ARHGEF40: variants seen among roughly 807,000 people sequenced by gnomAD.
ARHGEF40 encodes Rho guanine nucleotide exchange factor (GEF) 40.
A neutral mutation model predicts 165.9 loss-of-function variants in ARHGEF40; 98 were observed. The observed-to-expected ratio is 0.59, with a 90% CI of 0.50 to 0.70. The LOEUF is 0.70. Among genes scored for constraint, ARHGEF40 ranks in the 30% least tolerant of loss-of-function variants. The probability of loss-of-function intolerance (pLI) is 0.00; values close to 1 mark genes in which losing one functional copy is unlikely to be tolerated. For synonymous variants in ARHGEF40, 792 were observed against 814.3 expected (o/e 0.97, Z 0.47); for missense variants, 1,815 against 1,968.0 (o/e 0.92, Z 1.47).
In ARHGEF40 at chr14:21,074,514, TC is replaced by T; in HGVS notation, c.788del (p.Pro263GlnfsTer88). ...GGGGAGCCCAACAGATGCTGAAGGCTCCCCAGGCCTCTCCAGAGTCCGGACG... is the reference window on the plus strand; with the variant it reads ...GGGGAGCCCAACAGATGCTGAAGGCTCCCAGGCCTCTCCAGAGTCCGGACG... The part of the protein sequence containing the change: ...VRGSPTDAEG[S>X]PGLSRVRTVP... On this transcript the variant is annotated frameshift_variant, in exon 3 of 24. Coordinates refer to ENST00000298694, the MANE Select transcript of ARHGEF40 (RefSeq NM_018071.5). LOFTEE classifies it high-confidence loss of function. This position sits in a 1 kb window ranked among gnomAD's most constrained non-coding sequence, Gnocchi z 4.8. The T allele has an allele frequency of 6.5e-7, 1 of 1,548,986 alleles. No individual in the cohort carries two copies.
intron 5 of ARHGEF40, 44 bp from the exon 6 acceptor site, chr14:21,076,316 A>G (rs1345957243): frequency 1.3e-6 from 2 of 1,543,754 alleles, no homozygotes; most frequent in Non-Finnish European, 8.9e-7. Flanking sequence ...CTATCCCCCA[A>G]AACACACACA....
At position 21,074,449 on chromosome 14, in the gene ARHGEF40, G is replaced by T. The variant is rs1427532807; in HGVS notation, c.719G>T (p.Gly240Val). 1 of 1,598,732 alleles carries T rather than the reference G, an allele frequency of 6.3e-7. No homozygotes were observed. Among genetic ancestry groups the T allele is most frequent in the East Asian group, 2.2e-5 (1 of 44,532 alleles). The part of the protein sequence containing the change: ...GHNAPVEGPE[G>V]EYVELLEVTL... The stretch of plus-strand genomic sequence containing the variant: ...AATGCCCCTGTGGAAGGACCTGAGG[G>T]CGAGTATGTGGAGCTGTTAGAGGTG... The change falls in exon 3 of 24, where the codon GGC becomes GTC. Residue 240 changes from glycine (G) to valine (V), a missense_variant. By Grantham distance (109) the Gly-to-Val change is moderately radical. Coordinates refer to ENST00000298694, the MANE Select transcript of ARHGEF40 (RefSeq NM_018071.5). The surrounding 1 kb of genome is among the most constrained non-coding windows in gnomAD (Gnocchi z 4.8).
chr14:21,087,211 A>T, intron 20 of ARHGEF40, 106 bp downstream of exon 20: 2 of 1,577,702 alleles, frequency 1.3e-6, no homozygotes, highest in Non-Finnish European at 1.7e-6. Flanking sequence ...CTCGTCCCCA[A>T]ATCAGTGGGA....
chr14:21,077,266 A>G (rs925825400), intron 8 of ARHGEF40, among the ~76,000 whole-genome samples: 6 of 145,696 alleles, frequency 4.1e-5, no homozygotes, highest in Admixed American at 2.8e-4. Context: ...CACCACACCC[A>G]CCTAGTTTTT....
In ARHGEF40 at chr14:21,078,957, A is replaced by G; in HGVS notation, c.2320A>G (p.Asn774Asp). The G allele has an allele frequency of 6.2e-7, 1 of 1,614,178 alleles. No individual in the cohort carries two copies. The highest frequency in any genetic ancestry group is 8.5e-7 in the Non-Finnish European group (1 of 1,179,994). The change falls in exon 11 of 24, where the codon AAC becomes GAC. Residue 774 changes from asparagine to aspartate, a missense_variant. By Grantham distance (23) the Asn-to-Asp change is conservative. Coordinates refer to ENST00000298694, the MANE Select transcript of ARHGEF40 (RefSeq NM_018071.5). ...EAIHQLVRLS[N>D]LHVQQQEQRQ... Reference sequence around the variant, plus strand: ...CATTCACCAGCTTGTGCGCCTCTCCAACCTGCACGTGCAGCAGCAAGAGCA... The same window carrying G: ...CATTCACCAGCTTGTGCGCCTCTCCGACCTGCACGTGCAGCAGCAAGAGCA...
Position 21,081,775 on chromosome 14 carries a change from G to A in ARHGEF40, c.2907G>A (p.Arg969=). 6.3e-7 allele frequency: 1 copy of A among 1,592,242 alleles called. No homozygotes were observed. Among genetic ancestry groups the A allele is most frequent in the East Asian group, 2.3e-5 (1 of 43,570 alleles). Residue 969 remains arginine (R), a synonymous_variant, in exon 14 of 24, where the codon CGG becomes CGA. Coordinates refer to ENST00000298694, the MANE Select transcript of ARHGEF40 (RefSeq NM_018071.5). ...EASPRGYRRR[R]ADGASSGGAQ... is the part of the protein sequence containing the mutation. ...GCCCACGGGGCTACCGACGACGGCG[G>A]GCAGACGGTGCCAGCAGTGGAGGGG...
At position 21,073,919 on chromosome 14, in the gene ARHGEF40, C is replaced by T. The variant is rs372181348; in HGVS notation, c.202-13C>T. The T allele has an allele frequency of 6.5e-5, 103 of 1,583,550 alleles. No individual in the cohort carries two copies. Among genetic ancestry groups the T allele is most frequent in the Non-Finnish European group, 8.0e-5 (94 of 1,169,296 alleles). On this transcript the variant is annotated splice_polypyrimidine_tract_variant and intron_variant, in intron 2 of 23. Transcript: ENST00000298694. The surrounding 1 kb of genome is among the most constrained non-coding windows in gnomAD (Gnocchi z 4.6). ...GCAGAGGCCTGAGTGCAGCCTCCCACCTCTCTCCCCAGGCCCAATACAGTG... is the reference window on the plus strand; with the variant it reads ...GCAGAGGCCTGAGTGCAGCCTCCCATCTCTCTCCCCAGGCCCAATACAGTG...
chr14:21,088,712 C>T, intron 22 of ARHGEF40, 118 bp from the exon 23 acceptor site: 1 of 1,106,958 alleles, frequency 9.0e-7, no homozygotes, highest in Admixed American at 2.7e-5. Flanking sequence ...TAGCAAAATT[C>T]AAGGATTTTG....
the ARHGEF40 span, among the ~76,000 whole-genome samples, chr14:21,064,492 G>C: frequency 6.6e-6 from 1 of 152,188 alleles, no homozygotes. Flanking sequence ...AGTAGAGACT[G>C]GGTTTCGCCA....
chr14:21,087,552 G>A, intron 21 of ARHGEF40, 89 bp downstream of exon 21: 2 of 1,536,114 alleles, frequency 1.3e-6, no homozygotes, highest in Non-Finnish European at 1.8e-6. Context: ...CCTTTTTCTA[G>A]CCAAGAAGCC....
rs1322529729 is a variant in ARHGEF40 at position 21,089,585 on chromosome 14, G to C, written c.*577G>C. 1 of 152,590 alleles carries C rather than the reference G, an allele frequency of 6.6e-6. No individual in the cohort carries two copies. The highest frequency in any genetic ancestry group is 1.5e-5 in the Non-Finnish European group (1 of 68,056). The allele number at this position is 152,590 out of a possible 1,614,324, so 9.5% of individuals were successfully genotyped here. A position where few individuals can be genotyped will look rare whatever the true frequency, so the allele number is the denominator to read the frequency against. On this transcript the variant is annotated 3_prime_UTR_variant, in exon 24 of 24. Transcript: ENST00000298694. Reference sequence around the variant, plus strand: ...AGCTAGAGTAGTCCTCTGGATTAAGGTGATAAATAACTTGAGCACTTTCCC... The same window carrying C: ...AGCTAGAGTAGTCCTCTGGATTAAGCTGATAAATAACTTGAGCACTTTCCC...
In ARHGEF40 at chr14:21,078,419, C is replaced by T; in HGVS notation, c.2177C>T (p.Pro726Leu). The change falls in exon 10 of 24, where the codon CCC becomes CTC. Residue 726 changes from proline to leucine, a missense_variant. Pro to Leu is a moderately conservative substitution (Grantham distance 98). Coordinates refer to ENST00000298694, the MANE Select transcript of ARHGEF40 (RefSeq NM_018071.5). ...PKPLQKVLAD[P>L]RLTALQRDGG... ...CCACTGCAGAAGGTGCTGGCAGATC[C>T]CCGGCTGACGGCACTGCAGAGGGAT... The T allele has an allele frequency of 6.2e-7, 1 of 1,611,498 alleles. No individual in the cohort carries two copies.
chr14:21,083,322 A>C (rs1026031079), intron 16 of ARHGEF40, among the ~76,000 whole-genome samples: 2 of 151,980 alleles, frequency 1.3e-5, no homozygotes, highest in African/African-American at 4.8e-5. Flanking sequence ...CGGGTGGATC[A>C]CGAGGTCAGG....
upstream of ARHGEF40, among the ~76,000 whole-genome samples, chr14:21,068,318 G>GA (rs34795666): frequency 2.9e-3 from 289 of 99,498 alleles, 23 homozygotes; most frequent in African/African-American, 8.3e-3. Flanking sequence ...TTTTCTCCAT[G>GA]AAAAAAAAAA....
intron 19 of ARHGEF40, chr14:21,086,192 C>A: frequency 3.6e-6 from 1 of 278,086 alleles, no homozygotes; most frequent in Non-Finnish European, 7.0e-6. Context: ...AGCCTGGGCA[C>A]ATAGTGAGAC....
In ARHGEF40 at chr14:21,087,163, T is replaced by A. The variant is rs553542471; in HGVS notation, c.4243+58T>A. 1.3e-5 allele frequency: 20 copies of A among 1,594,702 alleles called. No homozygotes were observed. In the African/African-American group the frequency reaches 2.0e-4, roughly 16 times the overall value. On this transcript the variant is annotated intron_variant, in intron 20 of 23. Transcript: ENST00000298694. Reference sequence around the variant, plus strand: ...GGAGTGAAGACCTTGACAATGAGGATACAAAGGGGAGGTATGGTGGAAAGT... The same window carrying A: ...GGAGTGAAGACCTTGACAATGAGGAAACAAAGGGGAGGTATGGTGGAAAGT...
At chr14:21,084,072 C>T in intron 17 of ARHGEF40, 22 bp downstream of exon 17, 1 of 1,578,984 alleles carries the variant, frequency 6.3e-7, no homozygotes, top group Non-Finnish European at 8.6e-7. Context: ...GCTCCAGTCA[C>T]TGCTGCTCAA....
Position 21,081,746 on chromosome 14 carries a change from G to A in ARHGEF40, c.2878G>A (p.Ala960Thr), listed in dbSNP as rs1471457733. ...GATCCAGCAACACGTGGGAGAGGAG[G>A]CGAGCCCACGGGGCTACCGACGACG... ...RRIQQHVGEE[A>T]SPRGYRRRRA... The change falls in exon 14 of 24, where the codon GCG becomes ACG. Residue 960 changes from alanine (A) to threonine (T), a missense_variant. Physicochemically the swap from Ala to Thr is moderately conservative, Grantham distance 58. Transcript: ENST00000298694. 6.3e-7 allele frequency: 1 copy of A among 1,579,782 alleles called. No homozygotes were observed. Among genetic ancestry groups the A allele is most frequent in the Non-Finnish European group, 8.6e-7 (1 of 1,163,030 alleles).
chr14:21,075,869 CCTACTT>C lies in ARHGEF40; in HGVS notation c.1739+107_1739+112del, dbSNP rs1887380539. ...ACTGACCTTCTGACCTCTAAGGACA[CCTACTT>C]CTTCAACCTTCAGACTTCAAGCCAT... On this transcript the variant is annotated intron_variant, in intron 5 of 23. Transcript: ENST00000298694. This position sits in a 1 kb window ranked among gnomAD's most constrained non-coding sequence, Gnocchi z 4.5. 4 of 1,413,356 alleles carry C rather than the reference CCTACTT, an allele frequency of 2.8e-6. No individual in the cohort carries two copies. In the South Asian group the frequency reaches 4.2e-5, roughly 15 times the overall value. The allele number at this position is 1,413,356 out of a possible 1,614,324, so 87.6% of individuals were successfully genotyped here.
Sources: gnomAD v4.1 joint callset for allele counts (sites outside exome capture counted in the v4.1 genomes callset) on GRCh38, gnomAD v4.1.1 for gene constraint, Gnocchi (gnomAD v3.1) non-coding constraint, MANE v1.5 for transcripts, NCBI Gene and HGNC (gene_info 2026-07-23, HGNC 2026-07-21) for gene names.